Variants in PRKCZ observed in about 807,000 individuals in gnomAD.
PRKCZ encodes protein kinase C zeta type.
Under a neutral mutation model 79.5 loss-of-function variants are expected in PRKCZ, and 33 were observed. The observed-to-expected ratio is 0.41, with a 90% CI of 0.31 to 0.55. The LOEUF is 0.55. Ranked by LOEUF, PRKCZ falls within the 20% of genes least tolerant of loss-of-function variation. PRKCZ has a pLI of 0.19. For missense variants in PRKCZ, 578 were observed against 813.5 expected (o/e 0.71, Z 3.52); for synonymous variants, 342 against 320.9 (o/e 1.07, Z -0.70).
chr1:2,052,704 C>A (rs1314436214), intron 1 of PRKCZ, among the ~76,000 whole-genome samples: 1 of 152,182 alleles, frequency 6.6e-6, no homozygotes, highest in Non-Finnish European at 1.5e-5. Context: ...GGGTGGGACA[C>A]TCAGGCCTTA....
At chr1:2,152,509 G>A (rs1186807532) in intron 9 of PRKCZ, among the ~76,000 whole-genome samples, 1 of 152,192 alleles carries the variant, frequency 6.6e-6, no homozygotes, top group Non-Finnish European at 1.5e-5. Flanking sequence ...TCCAGTCTGG[G>A]CGACCAAATG....
intron 7 of PRKCZ, 134 bp downstream of exon 7, chr1:2,146,242 T>C (rs1678487830): frequency 1.2e-6 from 1 of 830,742 alleles, no homozygotes; most frequent in Non-Finnish European, 1.9e-6. Flanking sequence ...CTGGCCACCC[T>C]TCCCTGGGGC....
rs1462302947 is a variant in PRKCZ, at chr1:2,173,526, G to T, written c.1286-371G>T. On this transcript the variant is annotated intron_variant, in intron 13 of 17. Transcript: ENST00000378567. This position sits in a 1 kb window ranked among gnomAD's most constrained non-coding sequence, Gnocchi z 5.7. ...TGGCTGTAGAAGGAAACACAGGAGA[G>T]TATTTCCGTTACTGCAGCGAAAGGG... 1.3e-5 allele frequency among the ~76,000 whole-genome samples: 2 copies of T among 152,198 alleles called. No homozygotes were observed. The highest frequency in any genetic ancestry group is 2.9e-5 in the Non-Finnish European group (2 of 68,032).
rs1378178165 is a variant in PRKCZ, at chr1:2,050,520, G to A, written c.-111G>A. The A allele has an allele frequency of 3.1e-6, 2 of 640,128 alleles. No individual in the cohort carries two copies. Among genetic ancestry groups the A allele is most frequent in the East Asian group, 8.4e-5 (2 of 23,852 alleles). 39.7% of individuals were successfully genotyped at this position (640,128 alleles called of 1,614,324 possible). On this transcript the variant is annotated 5_prime_UTR_variant, in exon 1 of 18. Coordinates refer to ENST00000378567, the MANE Select transcript of PRKCZ (RefSeq NM_002744.6). ...GGAGTTGACCGGGTCGGCGCCGTCG[G>A]TCCTGAGCGCTGCCTTCCGCGTTCC...
rs1248459815 is a variant in PRKCZ, at chr1:2,173,421, C to T, written c.1286-476C>T. On this transcript the variant is annotated intron_variant, in intron 13 of 17. Transcript: ENST00000378567. The surrounding 1 kb of genome is among the most constrained non-coding windows in gnomAD (Gnocchi z 5.7). Reference sequence around the variant, plus strand: ...AGACAGCTGCTGTCCTTGGGCAAAACGGGTCAGGGTCTCCCACCCCTCATT... The same window carrying T: ...AGACAGCTGCTGTCCTTGGGCAAAATGGGTCAGGGTCTCCCACCCCTCATT... Among the ~76,000 whole-genome samples the T allele has an allele frequency of 3.3e-5, 5 of 152,312 alleles. No homozygotes were observed. The highest frequency in any genetic ancestry group is 3.9e-4 in the East Asian group (2 of 5,190).
intron 7 of PRKCZ, 22 bp downstream of exon 7, chr1:2,146,130 C>T (rs759930427): frequency 1.2e-6 from 2 of 1,600,190 alleles, no homozygotes; most frequent in East Asian, 2.2e-5. Flanking sequence ...TTTCTTCCGG[C>T]CGGGTAGAGC....
chr1:2,182,087 CTAGTAGATGCCACGT>C (rs900235835), intron 16 of PRKCZ: 25 of 308,614 alleles, frequency 8.1e-5, no homozygotes, highest in Non-Finnish European at 1.2e-4. Flanking sequence ...TTGTGGCATC[CTAGTAGATGCCACGT>C]TAGTAGATGC....
intron 2 of PRKCZ, 188 bp downstream of exon 2, chr1:2,055,750 A>G: frequency 1.2e-6 from 1 of 837,642 alleles, no homozygotes; most frequent in Non-Finnish European, 1.8e-6. Flanking sequence ...CTTATCAAGG[A>G]CCTGGGCCCA....
At chr1:2,072,894 C>T (rs1180649426) in intron 4 of PRKCZ, among the ~76,000 whole-genome samples, 2 of 152,036 alleles carry the variant, frequency 1.3e-5, no homozygotes, top group Admixed American at 6.5e-5. Flanking sequence ...AGGCTCAGCA[C>T]GAGTGCCGAG....
chr1:2,087,157 A>C (rs960989086), intron 4 of PRKCZ, among the ~76,000 whole-genome samples: 1 of 151,998 alleles, frequency 6.6e-6, no homozygotes, highest in Non-Finnish European at 1.5e-5. Flanking sequence ...ATCTCAGCTC[A>C]CTGTAACCAC....
intron 1 of PRKCZ, among the ~76,000 whole-genome samples, chr1:2,052,507 C>T (rs1194953366): frequency 1.3e-5 from 2 of 151,790 alleles, no homozygotes; most frequent in Non-Finnish European, 2.9e-5. Context: ...ACACCTCTTC[C>T]TTCACCTTCC....
intron 4 of PRKCZ, among the ~76,000 whole-genome samples, chr1:2,101,575 C>A (rs187641267): frequency 1.3e-5 from 2 of 152,214 alleles, no homozygotes; most frequent in African/African-American, 2.4e-5. Flanking sequence ...AGTCTGCGTT[C>A]GGCCTGTGTC....
intron 4 of PRKCZ, among the ~76,000 whole-genome samples, chr1:2,059,843 G>C (rs1157074828): frequency 2.0e-5 from 3 of 152,166 alleles, no homozygotes; most frequent in Non-Finnish European, 4.4e-5. Context: ...GGGGTGCCCT[G>C]CCGTCTCCCT....
At chr1:2,184,800 C>G in intron 17 of PRKCZ, 102 bp downstream of exon 17, 1 of 1,384,164 alleles carries the variant, frequency 7.2e-7, no homozygotes, top group South Asian at 1.2e-5. Context: ...TTGAGTCCCA[C>G]CCGCCTGGTG....
chr1:2,145,876 A>T (rs1678395484), intron 6 of PRKCZ, 151 bp from the exon 7 acceptor site: 1 of 654,664 alleles, frequency 1.5e-6, no homozygotes, highest in East Asian at 2.8e-5. Context: ...TGATCGCGCC[A>T]CTGCTCTCCA....
In PRKCZ at chr1:2,144,315, G is replaced by A. The variant is rs756571753; in HGVS notation, c.526G>A (p.Val176Ile). 3.2e-5 allele frequency: 50 copies of A among 1,576,254 alleles called. No homozygotes were observed. The highest frequency in any genetic ancestry group is 4.1e-5 in the Non-Finnish European group (48 of 1,160,780). ...LLVHKRCHGL[V>I]PLTCRKHMDS... ...GGTCCATAAGCGCTGCCACGGCCTCGTCCCGCTGACCTGCAGGAAGCATAT... is the reference window on the plus strand; with the variant it reads ...GGTCCATAAGCGCTGCCACGGCCTCATCCCGCTGACCTGCAGGAAGCATAT... Residue 176 changes from valine (V) to isoleucine (I), a missense_variant, in exon 6 of 18, where the codon GTC becomes ATC. This residue lies in a region of PRKCZ where 16 missense variants were observed against 37.4 expected (regional missense o/e 0.43). Transcript: ENST00000378567.
intron 9 of PRKCZ, among the ~76,000 whole-genome samples, chr1:2,152,561 G>A (rs1376036241): frequency 6.6e-6 from 1 of 152,196 alleles, no homozygotes; most frequent in African/African-American, 2.4e-5. Flanking sequence ...CAAACAAAGT[G>A]TACAGTTAGG....
rs1053799661 is a variant in PRKCZ, at chr1:2,128,214, A to G, written c.335-7048A>G. Among the ~76,000 whole-genome samples the G allele has an allele frequency of 3.9e-5, 6 of 152,186 alleles. No homozygotes were observed. The highest frequency in any genetic ancestry group is 8.8e-5 in the Non-Finnish European group (6 of 68,014). ...GGGCCACCATAGAAGGCACCTGGCTATCTGCATGTGGCTTGACCACTGCCT... is the reference window on the plus strand; with the variant it reads ...GGGCCACCATAGAAGGCACCTGGCTGTCTGCATGTGGCTTGACCACTGCCT... On this transcript the variant is annotated intron_variant, in intron 4 of 17. Transcript: ENST00000378567. This position sits in a 1 kb window ranked among gnomAD's most constrained non-coding sequence, Gnocchi z 6.5.
intron 10 of PRKCZ, chr1:2,156,357 G>C (rs981492482): frequency 8.3e-6 from 3 of 362,342 alleles, no homozygotes; most frequent in Non-Finnish European, 1.6e-5. Flanking sequence ...TCAGGTGCTG[G>C]GGCTACAAAA....
Sources: gnomAD v4.1 joint callset for allele counts (sites outside exome capture counted in the v4.1 genomes callset) on GRCh38, gnomAD v4.1.1 for gene constraint, gnomAD v4.1.1 regional missense constraint, Gnocchi (gnomAD v3.1) non-coding constraint, MANE v1.5 for transcripts, NCBI Gene and HGNC (gene_info 2026-07-23, HGNC 2026-07-21) for gene names.